The following MYRFL variants were observed in gnomAD, a reference collection of about 807,000 sequenced individuals.
MYRFL encodes the protein myelin regulatory factor like.
A neutral mutation model predicts 109.4 loss-of-function variants in MYRFL; 88 were observed. That is an observed-to-expected ratio of 0.80 (90% CI 0.68 to 0.96). The LOEUF (loss-of-function observed/expected upper bound fraction) is 0.96. Among genes scored for constraint, MYRFL ranks in the 40% least tolerant of loss-of-function variants. MYRFL has a pLI of 0.00. For synonymous variants in MYRFL, 324 were observed against 320.9 expected (o/e 1.01, Z -0.10); for missense variants, 957 against 954.9 (o/e 1.00, Z -0.03).
intron 15 of MYRFL, among the ~76,000 whole-genome samples, chr12:69,929,520 T>C (rs1486198003): frequency 6.6e-6 from 1 of 152,166 alleles, no homozygotes. Flanking sequence ...TAAATGAAAG[T>C]CTGGTGGCTA....
At chr12:69,910,483 C>T (rs1592809997) in intron 12 of MYRFL, among the ~76,000 whole-genome samples, 1 of 151,912 alleles carries the variant, frequency 6.6e-6, no homozygotes, top group Admixed American at 6.6e-5. Flanking sequence ...TACTCCAATC[C>T]AGGAAGCCTA....
chr12:69,944,614 G>C (rs1163093740), intron 19 of MYRFL, among the ~76,000 whole-genome samples: 1 of 151,462 alleles, frequency 6.6e-6, no homozygotes, highest in Non-Finnish European at 1.5e-5. Flanking sequence ...CAGCACACCA[G>C]CATGGCACAT....
At chr12:69,958,420 T>C (rs1349112755) in intron 24 of MYRFL, 25 bp from the exon 25 acceptor site, 2 of 1,419,154 alleles carry the variant, frequency 1.4e-6, no homozygotes, top group South Asian at 2.8e-5. Flanking sequence ...TAATCTTCCT[T>C]TTTTTTTTTC....
chr12:69,918,839 T>C (rs1954823454), intron 13 of MYRFL, among the ~76,000 whole-genome samples: 2 of 152,232 alleles, frequency 1.3e-5, no homozygotes, highest in African/African-American at 4.8e-5. Context: ...GACTCTATTA[T>C]TTTATTCTTT....
chr12:69,854,509 G>A (rs899268427), intron 1 of MYRFL, among the ~76,000 whole-genome samples: 2 of 152,028 alleles, frequency 1.3e-5, no homozygotes, highest in African/African-American at 2.4e-5. Flanking sequence ...TCAGCCTCCT[G>A]AGTAGCTGGG....
intron 2 of MYRFL, among the ~76,000 whole-genome samples, chr12:69,855,748 T>A (rs1026813088): frequency 6.6e-6 from 1 of 152,184 alleles, no homozygotes; most frequent in African/African-American, 2.4e-5. Context: ...TCTATAGTGA[T>A]GATTCATTTG....
At chr12:69,893,292 T>C (rs1380187690) in intron 7 of MYRFL, among the ~76,000 whole-genome samples, 1 of 152,234 alleles carries the variant, frequency 6.6e-6, no homozygotes, top group Non-Finnish European at 1.5e-5. Context: ...TTCTTATGAT[T>C]TGTTTATTAT....
intron 1 of MYRFL, among the ~76,000 whole-genome samples, chr12:69,846,850 C>G (rs1229540051): frequency 6.6e-6 from 1 of 151,802 alleles, no homozygotes; most frequent in East Asian, 1.9e-4. Flanking sequence ...CACATCCTCT[C>G]CAGCACCTGT....
At chr12:69,876,294 C>T (rs1885656167) in intron 2 of MYRFL, among the ~76,000 whole-genome samples, 1 of 152,156 alleles carries the variant, frequency 6.6e-6, no homozygotes, top group Non-Finnish European at 1.5e-5. Context: ...TATGGCAGTA[C>T]CTTCTCCAAG....
intron 1 of MYRFL, among the ~76,000 whole-genome samples, chr12:69,844,912 G>A (rs909289139): frequency 2.0e-5 from 3 of 151,978 alleles, no homozygotes; most frequent in African/African-American, 7.3e-5. Context: ...AATGACCCTC[G>A]AAAACATAAA....
At chr12:69,932,094 T>C (rs1041235483) in intron 15 of MYRFL, among the ~76,000 whole-genome samples, 1 of 152,226 alleles carries the variant, frequency 6.6e-6, no homozygotes, top group African/African-American at 2.4e-5. Context: ...CCCGAAATCA[T>C]TCCATTGGAA....
chr12:69,907,539 G>C (rs1373178942), intron 11 of MYRFL, among the ~76,000 whole-genome samples: 1 of 152,176 alleles, frequency 6.6e-6, no homozygotes, highest in Non-Finnish European at 1.5e-5. Flanking sequence ...ACTCACAGGG[G>C]CCTATGGCTG....
chr12:69,913,388 T>C (rs1269612424), intron 13 of MYRFL, among the ~76,000 whole-genome samples: 1 of 152,224 alleles, frequency 6.6e-6, no homozygotes, highest in Non-Finnish European at 1.5e-5. Context: ...AATCCAATAT[T>C]GTAAAGATTG....
chr12:69,882,319 G>GA (rs72350706), intron 5 of MYRFL, among the ~76,000 whole-genome samples: 9 of 150,700 alleles, frequency 6.0e-5, no homozygotes, highest in Middle Eastern at 3.4e-3. Flanking sequence ...AAGAAAGAAA[G>GA]AAAAAAAAGA....
chr12:69,848,249 CAT>C (rs1026947248), intron 1 of MYRFL, among the ~76,000 whole-genome samples: 11 of 151,914 alleles, frequency 7.2e-5, no homozygotes, highest in African/African-American at 2.7e-4. Flanking sequence ...TTTTTACTCA[CAT>C]GTTTTTTATT....
At chr12:69,865,981 G>T (rs1156609740) in intron 2 of MYRFL, among the ~76,000 whole-genome samples, 1 of 152,018 alleles carries the variant, frequency 6.6e-6, no homozygotes, top group Non-Finnish European at 1.5e-5. Flanking sequence ...TTCCAAATAG[G>T]TATATTATCT....
At chr12:69,842,857 G>A (rs1048589911) in intron 1 of MYRFL, among the ~76,000 whole-genome samples, 2 of 152,166 alleles carry the variant, frequency 1.3e-5, no homozygotes, top group African/African-American at 2.4e-5. Flanking sequence ...CCAAGCACAC[G>A]TTCATCATTA....
Position 69,952,839 on chromosome 12 carries a change from C to T in MYRFL, c.2328C>T (p.Ile776=), listed in dbSNP as rs767971428. ...TCAGTTCTATTCAGATTATGGAAATCCAGCAAATAATAGATCATCAGTATT... is the reference window on the plus strand; with the variant it reads ...TCAGTTCTATTCAGATTATGGAAATTCAGCAAATAATAGATCATCAGTATT... The part of the protein sequence containing the change: ...TTISSIQIME[I]QQIIDHQYCI... The change falls in exon 21 of 25, where the codon ATC becomes ATT. Residue 776 remains isoleucine, a synonymous_variant. Transcript: ENST00000552032. The T allele has an allele frequency of 1.2e-5, 19 of 1,535,494 alleles. No homozygotes were observed. The South Asian group carries it at 1.9e-4, about 15-fold the overall frequency.
intron 2 of MYRFL, among the ~76,000 whole-genome samples, chr12:69,868,102 T>C (rs2136327569): frequency 6.8e-6 from 1 of 147,402 alleles, no homozygotes; most frequent in East Asian, 1.9e-4. Flanking sequence ...CGGTTTCTTT[T>C]TTTTTTCTTT....
Sources: allele counts gnomAD v4.1 joint callset (sites outside exome capture counted in the v4.1 genomes callset), GRCh38; gene constraint gnomAD v4.1.1; transcripts MANE v1.5; gene names NCBI Gene and HGNC (gene_info 2026-07-23, HGNC 2026-07-21).